CSMD1: variants seen among roughly 807,000 people sequenced by gnomAD.
CSMD1 encodes the protein CUB and Sushi multiple domains 1.
In CSMD1, 213 loss-of-function variants were observed where a neutral mutation model predicts 417.5. The observed-to-expected ratio is 0.51, with a 90% CI of 0.46 to 0.57. The LOEUF is 0.57. Ranked by LOEUF, CSMD1 falls within the 20% of genes least tolerant of loss-of-function variation. The pLI, the probability that CSMD1 is intolerant of heterozygous loss-of-function variation, is 0.00. For missense variants in CSMD1, 6,923 were observed against 4,529.7 expected (o/e 1.53, Z -15.17); for synonymous variants, 2,862 against 1,736.8 (o/e 1.65, Z -16.11).
intron 3 of CSMD1, among the ~76,000 whole-genome samples, chr8:4,318,267 T>A (rs1799054241): frequency 6.6e-6 from 1 of 152,136 alleles, no homozygotes; most frequent in South Asian, 2.1e-4. Context: ...GTAACATTTT[T>A]CCTTAATTAA....
chr8:3,750,502 C>CT (rs1056306100), intron 6 of CSMD1, among the ~76,000 whole-genome samples: 10 of 151,058 alleles, frequency 6.6e-5, no homozygotes, highest in African/African-American at 1.9e-4. Context: ...ATCGACTATG[C>CT]TTTTTTTTTG....
At chr8:4,258,667 T>A (rs942807818) in intron 3 of CSMD1, among the ~76,000 whole-genome samples, 3 of 147,834 alleles carry the variant, frequency 2.0e-5, no homozygotes, top group African/African-American at 7.5e-5. Flanking sequence ...CATCTAAAAG[T>A]AATCACCTTC....
chr8:4,024,707 G>A (rs745779933), intron 4 of CSMD1, among the ~76,000 whole-genome samples: 1 of 152,118 alleles, frequency 6.6e-6, no homozygotes, highest in Admixed American at 6.5e-5. Flanking sequence ...CCTTCCTATG[G>A]TGGTTCATTG....
At chr8:4,404,920 T>C (rs1054763602) in intron 3 of CSMD1, among the ~76,000 whole-genome samples, 4 of 152,202 alleles carry the variant, frequency 2.6e-5, no homozygotes, top group East Asian at 3.8e-4. Flanking sequence ...AAGCCTATGA[T>C]GTCAGTCATC....
At chr8:4,767,117 A>T (rs1812519965) in intron 1 of CSMD1, among the ~76,000 whole-genome samples, 1 of 152,184 alleles carries the variant, frequency 6.6e-6, no homozygotes, top group African/African-American at 2.4e-5. Flanking sequence ...AATGATTTGG[A>T]TTTCGACAAA....
chr8:3,659,153 G>T (rs955744093), intron 7 of CSMD1, among the ~76,000 whole-genome samples: 5 of 152,074 alleles, frequency 3.3e-5, no homozygotes, highest in African/African-American at 1.2e-4. Context: ...GTAACTTGTT[G>T]CAGATTCATG....
chr8:4,669,384 T>C (rs903956102), intron 1 of CSMD1, among the ~76,000 whole-genome samples: 1 of 152,250 alleles, frequency 6.6e-6, no homozygotes, highest in Admixed American at 6.5e-5. Flanking sequence ...TTTTTGGTAA[T>C]CATACAAATG....
chr8:2,951,324 A>G, intron 65 of CSMD1, 49 bp from the exon 66 acceptor site: 1 of 1,535,096 alleles, frequency 6.5e-7, no homozygotes, highest in Non-Finnish European at 8.8e-7. Flanking sequence ...CACAAACAAT[A>G]AATTCAGACA....
intron 1 of CSMD1, among the ~76,000 whole-genome samples, chr8:4,653,191 C>T (rs1452948815): frequency 6.6e-6 from 1 of 152,014 alleles, no homozygotes; most frequent in Non-Finnish European, 1.5e-5. Flanking sequence ...CTGGTCACAG[C>T]AGGAGGCAAT....
At chr8:3,557,826 T>C (rs1219326831) in intron 10 of CSMD1, among the ~76,000 whole-genome samples, 2 of 152,204 alleles carry the variant, frequency 1.3e-5, no homozygotes, top group Admixed American at 1.3e-4. Flanking sequence ...ATTAATAGCA[T>C]TATCACCCTT....
chr8:4,538,751 G>A lies in CSMD1; in HGVS notation c.302+98591C>T, dbSNP rs181158686. Among the ~76,000 whole-genome samples, 244 of 152,278 alleles carry A rather than the reference G, an allele frequency of 1.6e-3. 1 individual carries two copies. The highest frequency in any genetic ancestry group is 5.7e-3 in the African/African-American group (235 of 41,558). ...GTAAACCTCCAAATTATTTGATGAAGGGATTTGATGAAGTTAGTGTTTACC... is the reference window on the plus strand; with the variant it reads ...GTAAACCTCCAAATTATTTGATGAAAGGATTTGATGAAGTTAGTGTTTACC... On this transcript the variant is annotated intron_variant, in intron 2 of 69. Transcript: ENST00000635120.
Position 4,277,233 on chromosome 8 carries a change from A to G in CSMD1, c.415+142720T>C, listed in dbSNP as rs192645555. ...TATATATATACACACAGACACATAC[A>G]TACTGCTGTTAATCTTTAAGAATTT... On this transcript the variant is annotated intron_variant, in intron 3 of 69. Transcript: ENST00000635120. Among the ~76,000 whole-genome samples the G allele has an allele frequency of 3.2e-4, 48 of 152,224 alleles. 1 individual carries two copies. The highest frequency in any genetic ancestry group is 5.1e-4 in the African/African-American group (21 of 41,562).
At chr8:3,633,931 T>C (rs1344540580) in intron 7 of CSMD1, among the ~76,000 whole-genome samples, 8 of 152,174 alleles carry the variant, frequency 5.3e-5, no homozygotes. Flanking sequence ...ATACATAAAA[T>C]ATATCATTCC....
intron 7 of CSMD1, among the ~76,000 whole-genome samples, chr8:3,632,274 A>T (rs534965459): frequency 1.3e-5 from 2 of 152,280 alleles, no homozygotes; most frequent in African/African-American, 2.4e-5. Context: ...TTAAATCAAC[A>T]GTGTTGGTTG....
chr8:4,966,060 T>C (rs147636539), intron 1 of CSMD1, among the ~76,000 whole-genome samples: 62 of 152,032 alleles, frequency 4.1e-4, no homozygotes, highest in African/African-American at 1.3e-3. Flanking sequence ...CTTTTACCAA[T>C]ACTCGAATTG....
chr8:3,638,299 C>A (rs181149118), intron 7 of CSMD1, among the ~76,000 whole-genome samples: 1 of 152,096 alleles, frequency 6.6e-6, no homozygotes, highest in Non-Finnish European at 1.5e-5. Context: ...GAAAATGTGT[C>A]ATCCATTTAC....
At chr8:3,249,705 AAT>A (rs1800131763) in intron 26 of CSMD1, among the ~76,000 whole-genome samples, 1 of 152,222 alleles carries the variant, frequency 6.6e-6, no homozygotes, top group South Asian at 2.1e-4. Flanking sequence ...AAAAAGAAAT[AAT>A]AGACATTTAT....
At chr8:4,592,781 T>C (rs1800057938) in intron 2 of CSMD1, among the ~76,000 whole-genome samples, 1 of 152,238 alleles carries the variant, frequency 6.6e-6, no homozygotes, top group African/African-American at 2.4e-5. Context: ...TTAGTTAAAA[T>C]ATTGTTTTCT....
intron 54 of CSMD1, among the ~76,000 whole-genome samples, chr8:2,988,728 G>C (rs1806136722): frequency 1.3e-5 from 2 of 152,274 alleles, no homozygotes; most frequent in African/African-American, 4.8e-5. Flanking sequence ...TATATGCAAA[G>C]ATAGTGTTAC....
Sources: gnomAD v4.1 joint callset for allele counts (sites outside exome capture counted in the v4.1 genomes callset) on GRCh38, gnomAD v4.1.1 for gene constraint, MANE v1.5 for transcripts, NCBI Gene and HGNC (gene_info 2026-07-23, HGNC 2026-07-21) for gene names.